Variants in FAT3 observed in about 807,000 individuals in gnomAD.
FAT3 encodes the protein protocadherin Fat 3.
In FAT3, 95 loss-of-function variants were observed where a neutral mutation model predicts 310.2. The ratio of observed to expected loss-of-function variants is 0.31; its 90% CI spans 0.26 to 0.36. The LOEUF (loss-of-function observed/expected upper bound fraction) is 0.36. Ranked by LOEUF, FAT3 falls within the 10% of genes least tolerant of loss-of-function variation. The pLI, the probability that FAT3 is intolerant of heterozygous loss-of-function variation, is 1.00. For synonymous variants in FAT3, 2,314 were observed against 2,192.9 expected, an observed-to-expected ratio of 1.06 and a Z score of -1.54; for missense variants, 5,408 against 5,715.6, an observed-to-expected ratio of 0.95 and a Z score of 1.74.
At chr11:92,342,154 A>G (rs1342595759) in intron 1 of FAT3, among the ~76,000 whole-genome samples, 1 of 152,140 alleles carries the variant, frequency 6.6e-6, no homozygotes, top group Non-Finnish European at 1.5e-5. Context: ...CTGAATTATT[A>G]TTCTCTCATA....
chr11:92,506,343 CT>C (rs544363608), intron 2 of FAT3, among the ~76,000 whole-genome samples: 364 of 152,230 alleles, frequency 2.4e-3, no homozygotes, highest in Non-Finnish European at 4.0e-3. Flanking sequence ...TTGCTGCTAG[CT>C]TTTCCTTATT....
chr11:92,775,422 A>C (rs574542862), intron 7 of FAT3, among the ~76,000 whole-genome samples: 1 of 152,314 alleles, frequency 6.6e-6, no homozygotes, highest in East Asian at 1.9e-4. Context: ...AATAGGGTTC[A>C]CTTTAGTACA....
chr11:92,446,385 C>T (rs1431169661), intron 2 of FAT3, among the ~76,000 whole-genome samples: 1 of 152,134 alleles, frequency 6.6e-6, no homozygotes, highest in Admixed American at 6.5e-5. Context: ...CCTTTGACTC[C>T]TCAGCTCAAG....
rs759897387 is a variant in FAT3 at position 92,801,092 on chromosome 11, T to C, written c.8079T>C (p.Pro2693=). ...GGIPVKHSLI[P]VYIHVLPPET... ...TCCCAGTAAAGCACTCCCTCATTCCTGTCTATATCCACGTCTTGCCCCCTG... is the reference window on the plus strand; with the variant it reads ...TCCCAGTAAAGCACTCCCTCATTCCCGTCTATATCCACGTCTTGCCCCCTG... The change falls in exon 10 of 28, where the codon CCT becomes CCC. Residue 2693 remains proline, a synonymous_variant. Transcript: ENST00000525166. The C allele has an allele frequency of 1.2e-6, 2 of 1,613,876 alleles. No homozygotes were observed. The highest frequency in any genetic ancestry group is 1.1e-5 in the South Asian group (1 of 91,086).
intron 7 of FAT3, among the ~76,000 whole-genome samples, chr11:92,783,988 A>G (rs528981915): frequency 2.2e-4 from 34 of 152,326 alleles, no homozygotes; most frequent in African/African-American, 7.9e-4. Context: ...AGCAAAGTAC[A>G]TAATATCTGT....
intron 21 of FAT3, among the ~76,000 whole-genome samples, chr11:92,865,643 G>C (rs976291901): frequency 2.0e-5 from 3 of 152,200 alleles, no homozygotes; most frequent in African/African-American, 7.2e-5. Flanking sequence ...CTAGACAAGG[G>C]TGCAGCCCTC....
chr11:92,520,169 C>G (rs1027152281), intron 2 of FAT3, among the ~76,000 whole-genome samples: 1 of 152,024 alleles, frequency 6.6e-6, no homozygotes, highest in Non-Finnish European at 1.5e-5. Flanking sequence ...AAGGAATTAA[C>G]TATTGTTATA....
At chr11:92,642,088 A>G (rs764578062) in intron 3 of FAT3, among the ~76,000 whole-genome samples, 72 of 152,186 alleles carry the variant, frequency 4.7e-4, no homozygotes, top group Non-Finnish European at 1.8e-4. Context: ...CATGAAATGC[A>G]TGTATCTGAA....
At chr11:92,355,432 G>A (rs753604512) in intron 2 of FAT3, 28 bp downstream of exon 2, 2 of 1,578,174 alleles carry the variant, frequency 1.3e-6, no homozygotes, top group Non-Finnish European at 1.7e-6. Flanking sequence ...TGCCAAGAGT[G>A]TTGTTTCACC....
intron 4 of FAT3, among the ~76,000 whole-genome samples, chr11:92,699,100 T>C (rs1466211221): frequency 6.6e-6 from 1 of 152,206 alleles, no homozygotes; most frequent in East Asian, 1.9e-4. Flanking sequence ...CAGACTTACA[T>C]AAATACTGAG....
In FAT3 at chr11:92,707,768, C is replaced by T. The variant is rs375881066; in HGVS notation, c.3669+10323C>T. ...TCTCTGAGCTACAGAATGATCTGTCCAGTCTAATTTTATCGAGGCCTTCAG... is the reference window on the plus strand; with the variant it reads ...TCTCTGAGCTACAGAATGATCTGTCTAGTCTAATTTTATCGAGGCCTTCAG... On this transcript the variant is annotated intron_variant, in intron 4 of 27. Coordinates refer to ENST00000525166, the MANE Select transcript of FAT3 (RefSeq NM_001367949.2). Among the ~76,000 whole-genome samples the T allele has an allele frequency of 2.6e-5, 4 of 152,264 alleles. No homozygotes were observed. The East Asian group carries it at 7.7e-4, about 29-fold the overall frequency.
chr11:92,862,798 G>T (rs1288134819), intron 21 of FAT3, among the ~76,000 whole-genome samples: 1 of 152,156 alleles, frequency 6.6e-6, no homozygotes, highest in East Asian at 1.9e-4. Flanking sequence ...TCACATACAT[G>T]TAATTTCGAC....
chr11:92,571,332 C>A (rs1955658111), intron 3 of FAT3, among the ~76,000 whole-genome samples: 1 of 152,086 alleles, frequency 6.6e-6, no homozygotes, highest in African/African-American at 2.4e-5. Flanking sequence ...GGGGCACAGG[C>A]AGCTAGGGGT....
Position 92,814,584 on chromosome 11 carries a change from C to T in FAT3, c.9481+4508C>T, listed in dbSNP as rs376561443. On this transcript the variant is annotated intron_variant, in intron 13 of 27. Coordinates refer to ENST00000525166, the MANE Select transcript of FAT3 (RefSeq NM_001367949.2). ...CTGGTGACATGACTTCATGACCCAA[C>T]ATTTATAAAAAAAGGGAAGTTAAAG... Among the ~76,000 whole-genome samples, 5 of 152,062 alleles carry T rather than the reference C, an allele frequency of 3.3e-5. No individual in the cohort carries two copies. The East Asian group carries it at 7.7e-4, about 24-fold the overall frequency.
chr11:92,543,397 A>G (rs1429119819), intron 3 of FAT3, among the ~76,000 whole-genome samples: 2 of 152,118 alleles, frequency 1.3e-5, no homozygotes, highest in Non-Finnish European at 2.9e-5. Context: ...GCTCGATTTT[A>G]TTTTTACACA....
At chr11:92,773,087 A>T (rs1394573054) in intron 6 of FAT3, among the ~76,000 whole-genome samples, 4 of 152,184 alleles carry the variant, frequency 2.6e-5, no homozygotes, top group Admixed American at 6.5e-5. Context: ...GAGCTTGTGA[A>T]CATACACTCA....
intron 1 of FAT3, among the ~76,000 whole-genome samples, chr11:92,252,626 A>AT: frequency 6.6e-6 from 1 of 152,058 alleles, no homozygotes; most frequent in Admixed American, 6.6e-5. Flanking sequence ...CTTTCCTTAC[A>AT]TTTTCTTTTG....
rs573462925 is a variant in FAT3 at position 92,771,376 on chromosome 11, G to A, written c.4196-2665G>A. 2.0e-5 allele frequency among the ~76,000 whole-genome samples: 3 copies of A among 152,252 alleles called. No homozygotes were observed. In the South Asian group the frequency reaches 6.2e-4, roughly 32 times the overall value. On this transcript the variant is annotated intron_variant, in intron 6 of 27. Transcript: ENST00000525166. ...AAGGGAGCCTGAAAAATGAGACCTG[G>A]GGGAGAGATATGGAGTCGTTTATGA... is the stretch of plus-strand genomic sequence containing the variant.
intron 3 of FAT3, among the ~76,000 whole-genome samples, chr11:92,643,265 A>C (rs1002458607): frequency 5.9e-5 from 9 of 152,220 alleles, no homozygotes; most frequent in Non-Finnish European, 1.2e-4. Context: ...CTGCACCGTC[A>C]GAAGCAAAGG....
Sources: gnomAD v4.1 joint callset for allele counts (sites outside exome capture counted in the v4.1 genomes callset) on GRCh38, gnomAD v4.1.1 for gene constraint, MANE v1.5 for transcripts, NCBI Gene and HGNC (gene_info 2026-07-23, HGNC 2026-07-21) for gene names.